Variants in SPIDR observed in about 807,000 individuals in gnomAD.
SPIDR encodes the protein DNA repair-scaffolding protein.
In SPIDR, 93 loss-of-function variants were observed where a neutral mutation model predicts 104.6. That is an observed-to-expected ratio of 0.89 (90% CI 0.75 to 1.06). SPIDR has a LOEUF of 1.06. Ranked by LOEUF, SPIDR falls within the 50% of genes least tolerant of loss-of-function variation. The pLI is 0.00. For missense variants in SPIDR, 1,154 were observed against 1,111.2 expected (o/e 1.04, Z -0.55); for synonymous variants, 431 against 416.9 (o/e 1.03, Z -0.41).
chr8:47,676,515 T>C (rs549125393), intron 11 of SPIDR, among the ~76,000 whole-genome samples: 4 of 116,394 alleles, frequency 3.4e-5, no homozygotes, highest in East Asian at 6.7e-4. Flanking sequence ...CAACATTCTC[T>C]CTCTTTTTTT....
intron 8 of SPIDR, among the ~76,000 whole-genome samples, chr8:47,535,220 A>G (rs2086701434): frequency 6.6e-6 from 1 of 152,186 alleles, no homozygotes; most frequent in African/African-American, 2.4e-5. Flanking sequence ...AATTATACCT[A>G]TTTTCTGCAA....
intron 10 of SPIDR, among the ~76,000 whole-genome samples, chr8:47,613,083 C>T (rs2063808344): frequency 6.6e-6 from 1 of 152,182 alleles, no homozygotes; most frequent in South Asian, 2.1e-4. Context: ...GTACTACCAA[C>T]TCTATATCAT....
chr8:47,643,621 C>T (rs1304891239), intron 10 of SPIDR, among the ~76,000 whole-genome samples: 1 of 152,178 alleles, frequency 6.6e-6, no homozygotes, highest in African/African-American at 2.4e-5. Context: ...CCACCTTGAC[C>T]TCCCAAAGTT....
chr8:47,559,083 C>T (rs1258841827), intron 8 of SPIDR, among the ~76,000 whole-genome samples: 1 of 152,118 alleles, frequency 6.6e-6, no homozygotes, highest in Admixed American at 6.5e-5. Context: ...TTTTAGTCTT[C>T]GAAGAATGTT....
intron 8 of SPIDR, among the ~76,000 whole-genome samples, chr8:47,538,495 G>A (rs929889561): frequency 5.3e-5 from 8 of 152,248 alleles, no homozygotes; most frequent in African/African-American, 1.9e-4. Context: ...AATGAGACGA[G>A]ATCATGCCAC....
intron 5 of SPIDR, among the ~76,000 whole-genome samples, chr8:47,373,074 A>T (rs2058228088): frequency 6.6e-6 from 1 of 152,236 alleles, no homozygotes; most frequent in African/African-American, 2.4e-5. Context: ...TTGGAGATAC[A>T]CCTGAAAATA....
At chr8:47,512,150 T>A (rs1389461294) in intron 8 of SPIDR, 1 of 417,570 alleles carries the variant, frequency 2.4e-6, no homozygotes, top group African/African-American at 2.0e-5. Context: ...GCCGTCTTCA[T>A]CCCATGCGCC....
intron 16 of SPIDR, among the ~76,000 whole-genome samples, chr8:47,716,205 C>G (rs934440364): frequency 1.3e-5 from 2 of 152,062 alleles, no homozygotes; most frequent in East Asian, 3.9e-4. Flanking sequence ...GGTGATCCAC[C>G]CACCTCGGCC....
At chr8:47,554,027 A>G (rs560139253) in intron 8 of SPIDR, among the ~76,000 whole-genome samples, 7 of 152,226 alleles carry the variant, frequency 4.6e-5, no homozygotes, top group South Asian at 4.2e-4. Flanking sequence ...TCCAGACCCT[A>G]TTTGCCTTGG....
At chr8:47,419,064 T>G (rs1554677686) in intron 7 of SPIDR, 1 of 152,198 alleles carries the variant, frequency 6.6e-6, no homozygotes, top group African/African-American at 2.4e-5. Flanking sequence ...CTCAGGGATA[T>G]TGGTCTAAAA....
At chr8:47,390,493 AAAAG>A (rs1470918299) in intron 5 of SPIDR, among the ~76,000 whole-genome samples, 1 of 152,068 alleles carries the variant, frequency 6.6e-6, no homozygotes, top group Non-Finnish European at 1.5e-5. Flanking sequence ...ATTAAAAAAA[AAAAG>A]CAGATAATAA....
chr8:47,338,832 T>G (rs2154273447), intron 5 of SPIDR, among the ~76,000 whole-genome samples: 1 of 152,272 alleles, frequency 6.6e-6, no homozygotes, highest in East Asian at 1.9e-4. Context: ...CTAAGGGTAG[T>G]CCTGCTCAAA....
chr8:47,267,402 AATAACTGTATGTTTACATTTTGG>A (rs1178387103), intron 1 of SPIDR, among the ~76,000 whole-genome samples: 1 of 152,228 alleles, frequency 6.6e-6, no homozygotes, highest in Non-Finnish European at 1.5e-5. Flanking sequence ...TGGGTCACAT[AATAACTGTATGTTTACATTTTGG>A]ATAACTGTTA....
chr8:47,681,337 T>G (rs1334097004), intron 11 of SPIDR, among the ~76,000 whole-genome samples: 4 of 152,198 alleles, frequency 2.6e-5, no homozygotes, highest in African/African-American at 9.7e-5. Context: ...TTGTAAGATC[T>G]TCTGCTAAAA....
intron 10 of SPIDR, among the ~76,000 whole-genome samples, chr8:47,613,299 G>T (rs1470894505): frequency 3.3e-5 from 5 of 152,166 alleles, no homozygotes; most frequent in Admixed American, 1.3e-4. Flanking sequence ...TGTTTTCAAG[G>T]CTCATCCATG....
At chr8:47,503,002 G>T (rs113590491) in intron 8 of SPIDR, among the ~76,000 whole-genome samples, 4,661 of 152,158 alleles carry the variant, frequency 0.031, 244 homozygotes, top group African/African-American at 0.1. Flanking sequence ...GTCTGAGAGA[G>T]AGTTTGTTAT....
At chr8:47,729,717 GTTTGTT>G (rs1282796486) in intron 19 of SPIDR, 9 of 507,104 alleles carry the variant, frequency 1.8e-5, no homozygotes, top group Admixed American at 7.3e-5. Context: ...TGGCTTTTTT[GTTTGTT>G]TTTGTTTTTG....
At chr8:47,399,755 A>C (rs2061640195) in intron 6 of SPIDR, among the ~76,000 whole-genome samples, 1 of 152,198 alleles carries the variant, frequency 6.6e-6, no homozygotes, top group African/African-American at 2.4e-5. Flanking sequence ...ATGACCCGTG[A>C]AGCCTAAGCT....
chr8:47,640,840 G>GCTTTTTTTTTT, intron 10 of SPIDR, among the ~76,000 whole-genome samples: 1 of 34,924 alleles, frequency 2.9e-5, no homozygotes, highest in African/African-American at 1.2e-4. Flanking sequence ...GCCACACCCA[G>GCTTTTTTTTTT]CTTTTTTTTT....
Sources: gnomAD v4.1 joint callset for allele counts (sites outside exome capture counted in the v4.1 genomes callset) on GRCh38, gnomAD v4.1.1 for gene constraint, MANE v1.5 for transcripts, NCBI Gene and HGNC (gene_info 2026-07-23, HGNC 2026-07-21) for gene names.